Variants in ZNF568 observed in about 807,000 individuals in gnomAD.
ZNF568 encodes the protein p53 inhibitor of SCO2 activation.
In ZNF568, 11 loss-of-function variants were observed where a neutral mutation model predicts 18.1. The observed-to-expected ratio is 0.61, with a 90% CI of 0.38 to 1.00. The LOEUF is 1.00. Ranked by LOEUF, ZNF568 falls within the 50% of genes least tolerant of loss-of-function variation. ZNF568 has a pLI of 0.01. For missense variants in ZNF568, 639 were observed against 768.2 expected (o/e 0.83, Z 1.99); for synonymous variants, 213 against 246.6 (o/e 0.86, Z 1.28).
chr19:36,962,033 T>C (rs1205625734), intron 6 of ZNF568, among the ~76,000 whole-genome samples: 3 of 151,252 alleles, frequency 2.0e-5, no homozygotes, highest in Non-Finnish European at 4.4e-5. Context: ...CTTGAACTCC[T>C]GGGCTCTAAT....
Position 36,936,744 on chromosome 19 carries a change from A to T in ZNF568, c.136-2A>T. Reference sequence around the variant, plus strand: ...AAATTAATTAGCATTATGTTTTTACAGGAAACAGTGACATTTAAGGATGTG... The same window carrying T: ...AAATTAATTAGCATTATGTTTTTACTGGAAACAGTGACATTTAAGGATGTG... On this transcript the variant is annotated splice_acceptor_variant, in intron 4 of 6. Coordinates refer to ENST00000333987, the MANE Select transcript of ZNF568 (RefSeq NM_198539.4). LOFTEE classifies it high-confidence loss of function. 6.2e-7 allele frequency: 1 copy of T among 1,610,566 alleles called. No homozygotes were observed. The highest frequency in any genetic ancestry group is 8.5e-7 in the Non-Finnish European group (1 of 1,177,772).
chr19:36,990,311 GA>G (rs1401701022), intron 2 of ZNF568, among the ~76,000 whole-genome samples: 2 of 152,190 alleles, frequency 1.3e-5, no homozygotes, highest in African/African-American at 2.4e-5. Flanking sequence ...AATTTAGCCA[GA>G]TGTATAAATT....
At chr19:36,991,773 T>C in exon 4 of ZNF568, 1 of 1,578,920 alleles carries the variant, frequency 6.3e-7, no homozygotes, top group Non-Finnish European at 8.6e-7. Context: ...CTAAGCCAAA[T>C]GTGATCTCCT....
intron 6 of ZNF568, among the ~76,000 whole-genome samples, chr19:36,962,336 CTT>C (rs76251375): frequency 9.3e-5 from 4 of 43,098 alleles, no homozygotes; most frequent in Non-Finnish European, 1.1e-4. Flanking sequence ...GCTTTTCTTT[CTT>C]TTTTTTTTTT....
At chr19:36,936,015 T>C (rs1002305567) in intron 4 of ZNF568, among the ~76,000 whole-genome samples, 9 of 152,198 alleles carry the variant, frequency 5.9e-5, no homozygotes, top group African/African-American at 1.9e-4. Context: ...GTTTTCCATA[T>C]GTCTCATGTC....
intron 6 of ZNF568, among the ~76,000 whole-genome samples, chr19:36,939,712 G>C (rs1383794253): frequency 2.0e-5 from 3 of 151,716 alleles, no homozygotes; most frequent in African/African-American, 4.8e-5. Context: ...GCTAATTTTT[G>C]TATCTTTTAG....
chr19:36,960,938 C>T (rs78468444), intron 6 of ZNF568, among the ~76,000 whole-genome samples: 40 of 152,072 alleles, frequency 2.6e-4, no homozygotes, highest in Non-Finnish European at 5.3e-4. Context: ...TTGAGGCCTA[C>T]TCGATGGCCT....
chr19:36,994,011 ATC>A (rs1347553102), intron 4 of ZNF568, among the ~76,000 whole-genome samples: 4 of 136,168 alleles, frequency 2.9e-5, no homozygotes, highest in Non-Finnish European at 3.2e-5. Flanking sequence ...GATTTGAGAT[ATC>A]TCTGTTTTTT....
chr19:36,927,893 ATATATATATATTTTTTTTTTTT>A (rs2073601868), intron 4 of ZNF568, among the ~76,000 whole-genome samples: 1 of 25,326 alleles, frequency 3.9e-5, no homozygotes, highest in African/African-American at 2.3e-4. Context: ...TATATTATAT[ATATATATATATTTTTTTTTTTT>A]TTTTTTTTTT....
chr19:36,942,327 C>T (rs519606), intron 6 of ZNF568, among the ~76,000 whole-genome samples: 55,148 of 151,384 alleles, frequency 0.36, 10,331 homozygotes, highest in African/African-American at 0.42. Flanking sequence ...GAGCTGGTCG[C>T]GGCAGCTCAC....
At chr19:36,974,119 A>G (rs574797442) in intron 6 of ZNF568, among the ~76,000 whole-genome samples, 329 of 152,288 alleles carry the variant, frequency 2.2e-3, no homozygotes, top group Middle Eastern at 6.8e-3. Context: ...AGGTGGGTCC[A>G]TTTAAGCTGT....
chr19:36,935,768 T>C (rs940355914), intron 4 of ZNF568, among the ~76,000 whole-genome samples: 22 of 152,214 alleles, frequency 1.4e-4, no homozygotes, highest in Non-Finnish European at 5.9e-5. Context: ...TTTTGTCTGA[T>C]ATTAGTATAT....
intron 4 of ZNF568, among the ~76,000 whole-genome samples, chr19:36,935,690 C>A (rs1297373729): frequency 6.6e-6 from 1 of 151,556 alleles, no homozygotes; most frequent in East Asian, 1.9e-4. Context: ...ATTGTTATAT[C>A]TTTCTGCCAG....
chr19:36,971,236 G>GA (rs913846866), intron 6 of ZNF568, among the ~76,000 whole-genome samples: 45 of 141,172 alleles, frequency 3.2e-4, no homozygotes, highest in East Asian at 2.3e-3. Context: ...TCCGTCTCAA[G>GA]AAAAAAAAAA....
exon 5 of ZNF568, chr19:36,996,389 A>G: frequency 6.5e-7 from 1 of 1,536,250 alleles, no homozygotes; most frequent in Non-Finnish European, 8.7e-7. Context: ...TCACCACAAC[A>G]GGAGAAGGCC....
chr19:36,955,836 T>G (rs1449555004), downstream of ZNF568, among the ~76,000 whole-genome samples: 6 of 147,082 alleles, frequency 4.1e-5, no homozygotes, highest in African/African-American at 1.3e-4. Context: ...AGTAAAGAGA[T>G]AAAGGATAAC....
chr19:36,996,533 G>A, exon 5 of ZNF568: 4 of 1,536,186 alleles, frequency 2.6e-6, no homozygotes, highest in Non-Finnish European at 3.5e-6. Context: ...CTTCATACTG[G>A]AGAGAAATCC....
At chr19:36,927,960 G>A (rs1261122217) in intron 4 of ZNF568, among the ~76,000 whole-genome samples, 9 of 125,778 alleles carry the variant, frequency 7.2e-5, no homozygotes, top group Admixed American at 1.8e-4. Context: ...TGTTGCCCAG[G>A]CTTGAGTGCA....
intron 4 of ZNF568, among the ~76,000 whole-genome samples, chr19:36,928,896 A>G (rs1364005723): frequency 1.4e-5 from 2 of 140,682 alleles, no homozygotes; most frequent in Non-Finnish European, 3.2e-5. Context: ...AGCCATCATT[A>G]TTAAATTAAT....
Sources: gnomAD v4.1 joint callset for allele counts (sites outside exome capture counted in the v4.1 genomes callset) on GRCh38, gnomAD v4.1.1 for gene constraint, MANE v1.5 for transcripts, NCBI Gene and HGNC (gene_info 2026-07-23, HGNC 2026-07-21) for gene names.